The following CNTLN variants were observed in gnomAD, a reference collection of about 807,000 sequenced individuals.
The protein encoded by CNTLN is centlein, centrosomal protein.
CNTLN carries 212 observed loss-of-function variants against 180.0 expected under a neutral mutation model. The observed-to-expected ratio is 1.18, with a 90% confidence interval of 1.05 to 1.32. The LOEUF is 1.32. Ranked by LOEUF, CNTLN falls within the 40% of genes most tolerant of loss-of-function variation. The pLI is 0.00. For synonymous variants in CNTLN, 722 were observed against 563.1 expected (o/e 1.28, Z -3.99); for missense variants, 2,095 against 1,610.9 (o/e 1.30, Z -5.14).
chr9:17,335,939 A>AAAC (rs1395233764), intron 10 of CNTLN, among the ~76,000 whole-genome samples: 2 of 151,870 alleles, frequency 1.3e-5, no homozygotes, highest in East Asian at 1.9e-4. Context: ...AACAAAAACA[A>AAAC]AAACAAAGTT....
intron 25 of CNTLN, among the ~76,000 whole-genome samples, chr9:17,501,821 T>A (rs1016792528): frequency 2.0e-5 from 3 of 152,204 alleles, no homozygotes; most frequent in Non-Finnish European, 4.4e-5. Flanking sequence ...GATTCAGAAG[T>A]AACTGGGGCT....
intron 13 of CNTLN, among the ~76,000 whole-genome samples, chr9:17,379,191 A>G (rs898447202): frequency 6.6e-6 from 1 of 152,064 alleles, no homozygotes; most frequent in Non-Finnish European, 1.5e-5. Context: ...GTCAGAGCAT[A>G]AACTACTACT....
chr9:17,316,791 A>G (rs1423073195), intron 8 of CNTLN, among the ~76,000 whole-genome samples: 1 of 151,720 alleles, frequency 6.6e-6, no homozygotes, highest in African/African-American at 2.4e-5. Flanking sequence ...TTCTTTTACT[A>G]TATATTTTTC....
chr9:17,307,943 T>C (rs981174506), intron 7 of CNTLN, among the ~76,000 whole-genome samples: 3 of 151,050 alleles, frequency 2.0e-5, no homozygotes, highest in African/African-American at 7.3e-5. Flanking sequence ...TTTGCTCTTA[T>C]TGTAAGATTT....
intron 5 of CNTLN, among the ~76,000 whole-genome samples, chr9:17,263,416 C>T (rs890084426): frequency 3.3e-5 from 5 of 150,952 alleles, no homozygotes; most frequent in African/African-American, 1.2e-4. Context: ...TGTATATGTG[C>T]CACATTTTCT....
At position 17,211,680 on chromosome 9, in the gene CNTLN, T is replaced by C. The variant is rs112375548; in HGVS notation, c.450-14523T>C. Among the ~76,000 whole-genome samples the C allele has an allele frequency of 9.9e-5, 15 of 152,282 alleles. No homozygotes were observed. In the East Asian group the frequency reaches 1.7e-3, roughly 18 times the overall value. ...ATTTTCACAATATTGATTCTTCCTATCCATGAGCATGGAATGTTCTTCCAT... is the reference window on the plus strand; with the variant it reads ...ATTTTCACAATATTGATTCTTCCTACCCATGAGCATGGAATGTTCTTCCAT... On this transcript the variant is annotated intron_variant, in intron 2 of 25. Transcript: ENST00000380647.
chr9:17,148,526 A>G (rs896544100), intron 2 of CNTLN, among the ~76,000 whole-genome samples: 1 of 152,136 alleles, frequency 6.6e-6, no homozygotes, highest in African/African-American at 2.4e-5. Flanking sequence ...TATCTAACCC[A>G]TTGTTTTCTC....
intron 12 of CNTLN, among the ~76,000 whole-genome samples, chr9:17,354,553 T>G (rs548811019): frequency 6.6e-6 from 1 of 152,264 alleles, no homozygotes; most frequent in South Asian, 2.1e-4. Flanking sequence ...ATCAACACTC[T>G]GTATCTAGCT....
At position 17,340,985 on chromosome 9, in the gene CNTLN, A is replaced by AAT; in HGVS notation, c.1766+37_1766+38insAT. 1.9e-6 allele frequency: 3 copies of AAT among 1,575,560 alleles called. No homozygotes were observed. In the South Asian group the frequency reaches 3.6e-5, roughly 19 times the overall value. On this transcript the variant is annotated intron_variant, in intron 11 of 25. Coordinates refer to ENST00000380647, the MANE Select transcript of CNTLN (RefSeq NM_017738.4). ...AGCTCATAAAGGCATTTCCCTAAAT[A>AAT]TTAAATGGAATGGAGTAGCATTATA...
At chr9:17,333,230 C>A (rs1237372958) in intron 10 of CNTLN, among the ~76,000 whole-genome samples, 1 of 152,092 alleles carries the variant, frequency 6.6e-6, no homozygotes, top group Non-Finnish European at 1.5e-5. Flanking sequence ...TGAATGAGCA[C>A]TCTACCATGT....
chr9:17,291,751 C>T (rs776999655), intron 6 of CNTLN, among the ~76,000 whole-genome samples: 3 of 152,286 alleles, frequency 2.0e-5, no homozygotes, highest in Admixed American at 1.3e-4. Context: ...AGTCTTGACT[C>T]TTTATCCAGC....
At chr9:17,445,442 T>C (rs2134072099) in intron 18 of CNTLN, among the ~76,000 whole-genome samples, 1 of 152,294 alleles carries the variant, frequency 6.6e-6, no homozygotes, top group African/African-American at 2.4e-5. Flanking sequence ...TTTTGTTCTG[T>C]ACTAAGAAAA....
At chr9:17,474,725 A>G (rs1044961336) in intron 23 of CNTLN, among the ~76,000 whole-genome samples, 1 of 152,124 alleles carries the variant, frequency 6.6e-6, no homozygotes, top group Middle Eastern at 3.4e-3. Context: ...AAAATTAGCC[A>G]GGCATGGTGG....
rs547578112 is a variant in CNTLN, at chr9:17,310,558, C to T, written c.1341+1306C>T. Among the ~76,000 whole-genome samples, 5 of 152,228 alleles carry T rather than the reference C, an allele frequency of 3.3e-5. No homozygotes were observed. The South Asian group carries it at 8.3e-4, about 25-fold the overall frequency. The stretch of plus-strand genomic sequence containing the variant: ...TTTCGCACATGTTTCTTGACGTACA[C>T]GTTCATGCATCTTTGTGGGTTATAT... On this transcript the variant is annotated intron_variant, in intron 8 of 25. Coordinates refer to ENST00000380647, the MANE Select transcript of CNTLN (RefSeq NM_017738.4).
intron 15 of CNTLN, among the ~76,000 whole-genome samples, chr9:17,395,868 G>T (rs1826475709): frequency 6.6e-6 from 1 of 152,160 alleles, no homozygotes; most frequent in Admixed American, 6.5e-5. Context: ...GTAAAATGAG[G>T]CTGAAACCTG....
At chr9:17,201,962 G>A (rs547739645) in intron 2 of CNTLN, among the ~76,000 whole-genome samples, 2 of 152,246 alleles carry the variant, frequency 1.3e-5, no homozygotes, top group South Asian at 2.1e-4. Context: ...GCTTTCTGAT[G>A]TGGGCATTTA....
intron 6 of CNTLN, among the ~76,000 whole-genome samples, chr9:17,281,340 A>C (rs1308309075): frequency 6.6e-6 from 1 of 152,014 alleles, no homozygotes; most frequent in African/African-American, 2.4e-5. Flanking sequence ...TTTGTTATGT[A>C]GGTAAATATG....
chr9:17,241,060 G>C (rs779839789), intron 5 of CNTLN, among the ~76,000 whole-genome samples: 2 of 151,960 alleles, frequency 1.3e-5, no homozygotes, highest in African/African-American at 4.8e-5. Context: ...GGGTTTCATC[G>C]TGTTAGCCAG....
At chr9:17,323,852 C>G (rs17761836) in intron 8 of CNTLN, among the ~76,000 whole-genome samples, 1,759 of 152,162 alleles carry the variant, frequency 0.012, 15 homozygotes, top group Non-Finnish European at 0.018. Flanking sequence ...TAGCAGTTAA[C>G]AAGGTCACAC....
Sources: gnomAD v4.1 joint callset for allele counts (sites outside exome capture counted in the v4.1 genomes callset) on GRCh38, gnomAD v4.1.1 for gene constraint, MANE v1.5 for transcripts, NCBI Gene and HGNC (gene_info 2026-07-23, HGNC 2026-07-21) for gene names.